The following ADGRL2 variants were observed in gnomAD, a reference collection of about 807,000 sequenced individuals.
ADGRL2 encodes calcium-independent alpha-latrotoxin receptor 2.
A neutral mutation model predicts 157.4 loss-of-function variants in ADGRL2; 44 were observed. The ratio of observed to expected loss-of-function variants is 0.28; its 90% CI spans 0.22 to 0.36. The LOEUF (loss-of-function observed/expected upper bound fraction) is 0.36, where lower values mean the gene tolerates loss of function less well. Ranked by LOEUF, ADGRL2 falls within the 10% of genes least tolerant of loss-of-function variation. The probability of loss-of-function intolerance (pLI) is 1.00; values close to 1 mark genes in which losing one functional copy is unlikely to be tolerated. For synonymous variants in ADGRL2, 585 were observed against 624.7 expected (o/e 0.94, Z 0.95); for missense variants, 1,510 against 1,768.9 (o/e 0.85, Z 2.63).
At position 81,359,445 on chromosome 1, in the gene ADGRL2, C is replaced by T. The variant is rs559771804; in HGVS notation, c.-302+52936C>T. Among the ~76,000 whole-genome samples the T allele has an allele frequency of 3.2e-4, 49 of 152,046 alleles. 1 individual carries two copies. Among genetic ancestry groups the T allele is most frequent in the Admixed American group, 2.0e-3 (30 of 15,272 alleles). ...CCTAGAGGTATATGGGAACAGGAGG[C>T]AAAACTACCTTTATTTGAAATCTGT... is the stretch of plus-strand genomic sequence containing the variant. On this transcript the variant is annotated intron_variant, in intron 1 of 24. Transcript: ENST00000370721.
intron 1 of ADGRL2, among the ~76,000 whole-genome samples, chr1:81,338,799 C>G (rs2100748306): frequency 6.6e-6 from 1 of 152,260 alleles, no homozygotes; most frequent in Middle Eastern, 3.4e-3. Context: ...AGAAACTGAA[C>G]CCGGGCAGCT....
At chr1:81,433,363 CA>C (rs1343086679) in intron 1 of ADGRL2, among the ~76,000 whole-genome samples, 2 of 152,168 alleles carry the variant, frequency 1.3e-5, no homozygotes, top group Non-Finnish European at 2.9e-5. Context: ...AGGTCATAGA[CA>C]ACATAATACT....
intron 1 of ADGRL2, among the ~76,000 whole-genome samples, chr1:81,349,146 A>G (rs993699552): frequency 5.3e-5 from 8 of 152,242 alleles, no homozygotes; most frequent in African/African-American, 1.9e-4. Context: ...GCCTCCCAAG[A>G]GCTAAGATTA....
chr1:81,353,297 A>G (rs1014592927), intron 1 of ADGRL2, among the ~76,000 whole-genome samples: 2 of 152,268 alleles, frequency 1.3e-5, no homozygotes, highest in South Asian at 2.1e-4. Flanking sequence ...CTTTTATTCC[A>G]TAAATATTAG....
intron 2 of ADGRL2, among the ~76,000 whole-genome samples, chr1:81,507,728 C>G (rs569313540): frequency 6.6e-6 from 1 of 152,196 alleles, no homozygotes; most frequent in African/African-American, 2.4e-5. Flanking sequence ...GACAGGGGCT[C>G]CATTGATGAT....
intron 2 of ADGRL2, among the ~76,000 whole-genome samples, chr1:81,856,647 G>A (rs551083464): frequency 2.6e-5 from 4 of 152,172 alleles, no homozygotes; most frequent in African/African-American, 9.6e-5. Context: ...AGTCAAGGTG[G>A]ATCAAGAATT....
chr1:81,778,816 C>T (rs1306167003), intron 2 of ADGRL2, among the ~76,000 whole-genome samples: 1 of 152,178 alleles, frequency 6.6e-6, no homozygotes, highest in Non-Finnish European at 1.5e-5. Flanking sequence ...CCCAGTAGGG[C>T]ATACAGGTGA....
intron 2 of ADGRL2, among the ~76,000 whole-genome samples, chr1:81,886,670 A>G (rs2094135845): frequency 6.6e-6 from 1 of 152,206 alleles, no homozygotes; most frequent in Non-Finnish European, 1.5e-5. Flanking sequence ...CTTATTCAGC[A>G]TTAATTAATA....
intron 2 of ADGRL2, chr1:81,504,969 G>A (rs1057072207): frequency 1.3e-4 from 41 of 323,348 alleles, no homozygotes; most frequent in African/African-American, 8.5e-4. Flanking sequence ...CTCAGTCGAG[G>A]AAGCCCTGGA....
intron 1 of ADGRL2, among the ~76,000 whole-genome samples, chr1:81,372,233 T>C (rs1330628324): frequency 1.3e-5 from 2 of 152,156 alleles, no homozygotes; most frequent in Non-Finnish European, 2.9e-5. Context: ...CATCTGAGAA[T>C]AAAGATAAAG....
chr1:81,708,623 T>A (rs1170618046), intron 1 of ADGRL2, among the ~76,000 whole-genome samples: 1 of 148,814 alleles, frequency 6.7e-6, no homozygotes, highest in Non-Finnish European at 1.5e-5. Flanking sequence ...TATACTATTG[T>A]TTGCATTAAA....
chr1:81,856,899 A>G lies in ADGRL2; in HGVS notation c.73+19842A>G, dbSNP rs535400817. Among the ~76,000 whole-genome samples the G allele has an allele frequency of 4.6e-5, 7 of 152,322 alleles. No individual in the cohort carries two copies. The South Asian group carries it at 1.4e-3, about 32-fold the overall frequency. On this transcript the variant is annotated intron_variant, in intron 2 of 23. Transcript: ENST00000686636. Reference sequence around the variant, plus strand: ...GATCATTAAATAATAAACATGTTTAATCATTAAATAATAAACATGAGTAAA... The same window carrying G: ...GATCATTAAATAATAAACATGTTTAGTCATTAAATAATAAACATGAGTAAA...
intron 11 of ADGRL2, among the ~76,000 whole-genome samples, chr1:81,959,025 G>C (rs1393734865): frequency 6.6e-6 from 1 of 152,150 alleles, no homozygotes; most frequent in Non-Finnish European, 1.5e-5. Context: ...ACCACAATTT[G>C]TATATCTACT....
intron 2 of ADGRL2, among the ~76,000 whole-genome samples, chr1:81,475,020 C>CT (rs2078243707): frequency 6.6e-6 from 1 of 152,116 alleles, no homozygotes; most frequent in Non-Finnish European, 1.5e-5. Flanking sequence ...AACCCAGGGC[C>CT]TAAAAGCAGT....
chr1:81,984,468 G>T, intron 19 of ADGRL2, 115 bp from the exon 20 acceptor site: 1 of 1,112,296 alleles, frequency 9.0e-7, no homozygotes, highest in Non-Finnish European at 1.2e-6. Context: ...TTTCTCCACG[G>T]ATAAGTTTTA....
intron 2 of ADGRL2, among the ~76,000 whole-genome samples, chr1:81,460,092 A>T (rs1170402025): frequency 1.3e-5 from 2 of 151,932 alleles, no homozygotes; most frequent in Non-Finnish European, 2.9e-5. Context: ...TTCCCTGCTG[A>T]TTAGTGATGT....
At chr1:81,710,384 G>A (rs1411139159) in intron 1 of ADGRL2, among the ~76,000 whole-genome samples, 2 of 151,908 alleles carry the variant, frequency 1.3e-5, no homozygotes, top group African/African-American at 4.8e-5. Context: ...CAGCACTTTG[G>A]GAGGCGGGCA....
chr1:81,658,920 T>C (rs2082593112), intron 3 of ADGRL2, among the ~76,000 whole-genome samples: 1 of 151,846 alleles, frequency 6.6e-6, no homozygotes, highest in Non-Finnish European at 1.5e-5. Flanking sequence ...CCTGGCTAAT[T>C]TTTGTATTTT....
chr1:81,580,148 G>C (rs2080878590), intron 2 of ADGRL2, among the ~76,000 whole-genome samples: 1 of 152,126 alleles, frequency 6.6e-6, no homozygotes, highest in Non-Finnish European at 1.5e-5. Flanking sequence ...CTTAACCATA[G>C]AGAAGCCGTA....
Sources: gnomAD v4.1 joint callset for allele counts (sites outside exome capture counted in the v4.1 genomes callset) on GRCh38, gnomAD v4.1.1 for gene constraint, MANE v1.5 for transcripts, NCBI Gene and HGNC (gene_info 2026-07-23, HGNC 2026-07-21) for gene names.